Variants in BTRC observed in about 807,000 individuals in gnomAD.
The protein encoded by BTRC is F-box/WD repeat-containing protein 1A.
BTRC carries 42 observed loss-of-function variants against 85.5 expected under a neutral mutation model. That is an observed-to-expected ratio of 0.49 (90% confidence interval 0.38 to 0.64). The LOEUF (loss-of-function observed/expected upper bound fraction) is 0.64, where lower values mean the gene tolerates loss of function less well. Among genes scored for constraint, BTRC ranks in the 30% least tolerant of loss-of-function variants. The pLI is 0.00. For missense variants in BTRC, 594 were observed against 743.5 expected (o/e 0.80, Z 2.34); for synonymous variants, 255 against 263.3 (o/e 0.97, Z 0.30).
chr10:101,375,943 G>T (rs994239150), intron 1 of BTRC, among the ~76,000 whole-genome samples: 1 of 152,208 alleles, frequency 6.6e-6, no homozygotes, highest in Non-Finnish European at 1.5e-5. Context: ...CAGGGGAAGT[G>T]GGGGAAATGA....
chr10:101,508,993 T>C (rs1946619416), intron 4 of BTRC, among the ~76,000 whole-genome samples: 1 of 151,532 alleles, frequency 6.6e-6, no homozygotes, highest in Admixed American at 6.6e-5. Context: ...TTTCCTTTTT[T>C]CTGCATGTTC....
intron 1 of BTRC, among the ~76,000 whole-genome samples, chr10:101,413,685 CTT>C (rs1477347258): frequency 1.3e-5 from 2 of 152,034 alleles, no homozygotes; most frequent in East Asian, 1.9e-4. Flanking sequence ...GAAAAAAAAA[CTT>C]TATATTAAAA....
rs550772663 is a variant in BTRC at position 101,443,357 on chromosome 10, A to C, written c.156+12905A>C. On this transcript the variant is annotated intron_variant, in intron 2 of 14. Coordinates refer to ENST00000370187, the MANE Select transcript of BTRC (RefSeq NM_033637.4). ...GTAGTCCTGCGCAACATTAAAAGCA[A>C]ATAAATACACTGAGGACAACTCAAC... Among the ~76,000 whole-genome samples, 6 of 152,316 alleles carry C rather than the reference A, an allele frequency of 3.9e-5. No homozygotes were observed. The South Asian group carries it at 6.2e-4, about 16-fold the overall frequency.
chr10:101,483,494 G>C (rs1261213907), intron 4 of BTRC, among the ~76,000 whole-genome samples: 1 of 152,130 alleles, frequency 6.6e-6, no homozygotes, highest in Non-Finnish European at 1.5e-5. Context: ...TCAGGAGGCT[G>C]AGGCAGGAGA....
intron 1 of BTRC, chr10:101,414,596 A>G (rs1943874909): frequency 2.0e-6 from 1 of 511,246 alleles, no homozygotes; most frequent in Non-Finnish European, 3.9e-6. Flanking sequence ...GAGGTATTCC[A>G]GAAAAAGGCA....
At chr10:101,535,305 T>C (rs754031939) in intron 10 of BTRC, 49 bp from the exon 11 acceptor site, 1 of 1,409,564 alleles carries the variant, frequency 7.1e-7, no homozygotes, top group Non-Finnish European at 1.0e-6. Context: ...CCATAGATTT[T>C]ACCAATAAAA....
intron 1 of BTRC, among the ~76,000 whole-genome samples, chr10:101,419,014 CTTT>C (rs1331387470): frequency 3.5e-5 from 5 of 142,792 alleles, no homozygotes; most frequent in Admixed American, 7.0e-5. Flanking sequence ...TTCTTTCTTT[CTTT>C]TTTTTTTTTT....
At chr10:101,535,241 A>C in intron 10 of BTRC, 113 bp from the exon 11 acceptor site, 2 of 837,616 alleles carry the variant, frequency 2.4e-6, no homozygotes, top group South Asian at 3.3e-5. Flanking sequence ...TTGTTTGAGA[A>C]GACTTCCCTC....
chr10:101,526,275 A>G (rs1755683788), intron 6 of BTRC, 76 bp downstream of exon 6: 6 of 1,329,040 alleles, frequency 4.5e-6, no homozygotes, highest in Non-Finnish European at 6.2e-6. Context: ...ATTTTTGGGG[A>G]GCCAATGAGA....
intron 13 of BTRC, among the ~76,000 whole-genome samples, chr10:101,549,079 A>G (rs1183635903): frequency 1.3e-5 from 2 of 151,826 alleles, no homozygotes; most frequent in South Asian, 2.1e-4. Flanking sequence ...GACACAAAAG[A>G]ATACATACTA....
intron 2 of BTRC, among the ~76,000 whole-genome samples, chr10:101,455,983 A>AAACACACACACACACACACACACAC (rs1554881059): frequency 1.0e-5 from 1 of 96,000 alleles, no homozygotes; most frequent in Non-Finnish European, 2.0e-5. Flanking sequence ...CTCTACTAAA[A>AAACACACACACACACACACACACAC]ACACACACAC....
chr10:101,401,666 A>T (rs889221895), intron 1 of BTRC, among the ~76,000 whole-genome samples: 1 of 152,052 alleles, frequency 6.6e-6, no homozygotes, highest in African/African-American at 2.4e-5. Flanking sequence ...ATAAAATACA[A>T]ATATTGAGTG....
At chr10:101,517,752 TCTC>T (rs573369770) in intron 4 of BTRC, among the ~76,000 whole-genome samples, 13 of 152,188 alleles carry the variant, frequency 8.5e-5, no homozygotes, top group Non-Finnish European at 1.9e-4. Context: ...TGTGATTTTG[TCTC>T]CTTTTTTCTC....
chr10:101,484,182 A>AT, intron 4 of BTRC, among the ~76,000 whole-genome samples: 1 of 152,190 alleles, frequency 6.6e-6, no homozygotes, highest in Non-Finnish European at 1.5e-5. Flanking sequence ...GAGACTAATA[A>AT]TCTGTTTGAA....
chr10:101,519,777 C>G (rs979432174), intron 4 of BTRC, among the ~76,000 whole-genome samples: 2 of 152,172 alleles, frequency 1.3e-5, no homozygotes, highest in South Asian at 4.1e-4. Context: ...GGGCAGCTCA[C>G]CTGAGGTTGG....
intron 3 of BTRC, among the ~76,000 whole-genome samples, chr10:101,478,795 A>G (rs931885623): frequency 6.6e-6 from 1 of 150,996 alleles, no homozygotes; most frequent in East Asian, 1.9e-4. Context: ...AAAAAAAAAA[A>G]AGAAAAGAAA....
rs376924664 is a variant in BTRC, at chr10:101,550,648, A to T, written c.1657-51A>T. ...TGACATGTTGCTGAATTTGTGTCCT[A>T]TTGATTTTGAGTAGTTCAAGTTCCT... On this transcript the variant is annotated intron_variant, in intron 13 of 14. Transcript: ENST00000370187. 9 of 1,563,394 alleles carry T rather than the reference A, an allele frequency of 5.8e-6. No homozygotes were observed. The South Asian group carries it at 8.0e-5, about 14-fold the overall frequency.
chr10:101,497,622 C>T (rs1946295738), intron 4 of BTRC, among the ~76,000 whole-genome samples: 1 of 152,274 alleles, frequency 6.6e-6, no homozygotes, highest in East Asian at 1.9e-4. Context: ...GAGAAGATCA[C>T]TTGAGCTTGG....
rs1418736538 is a variant in BTRC at position 101,554,193 on chromosome 10, G to A, written c.*1070G>A. ...CATTTCCTCTCATTAACAATTGGGTGTGTAATAAAAAGCATTGTACTTCAT... is the reference window on the plus strand; with the variant it reads ...CATTTCCTCTCATTAACAATTGGGTATGTAATAAAAAGCATTGTACTTCAT... On this transcript the variant is annotated 3_prime_UTR_variant, in exon 15 of 15. Transcript: ENST00000370187. 2 of 152,220 alleles carry A rather than the reference G, an allele frequency of 1.3e-5. No homozygotes were observed. The highest frequency in any genetic ancestry group is 3.8e-4 in the East Asian group (2 of 5,196). The allele number at this position is 152,220 out of a possible 1,614,324, so 9.4% of individuals were successfully genotyped here. A position where few individuals can be genotyped will look rare whatever the true frequency, so the allele number is the denominator to read the frequency against.
Sources: allele counts gnomAD v4.1 joint callset (sites outside exome capture counted in the v4.1 genomes callset), GRCh38; gene constraint gnomAD v4.1.1; transcripts MANE v1.5; gene names NCBI Gene and HGNC (gene_info 2026-07-23, HGNC 2026-07-21).